Variants in PCDH9 observed in about 807,000 individuals in gnomAD.
PCDH9 encodes the protein protocadherin 9.
In PCDH9, 24 loss-of-function variants were observed where a neutral mutation model predicts 70.6. The ratio of observed to expected loss-of-function variants is 0.34; its 90% CI spans 0.25 to 0.48. PCDH9 has a LOEUF of 0.48. Among genes scored for constraint, PCDH9 ranks in the 20% least tolerant of loss-of-function variants. The pLI, the probability that PCDH9 is intolerant of heterozygous loss-of-function variation, is 0.99. For synonymous variants in PCDH9, 562 were observed against 558.5 expected, an observed-to-expected ratio of 1.01 and a Z score of -0.09; for missense variants, 1,281 against 1,503.6, an observed-to-expected ratio of 0.85 and a Z score of 2.45.
chr13:66,638,716 G>T (rs950330842), intron 3 of PCDH9, among the ~76,000 whole-genome samples: 3 of 152,136 alleles, frequency 2.0e-5, no homozygotes, highest in African/African-American at 7.2e-5. Flanking sequence ...GAATGAAGAT[G>T]AGTTAACTGG....
chr13:67,106,055 TC>T (rs2086535377), intron 2 of PCDH9, among the ~76,000 whole-genome samples: 2 of 152,106 alleles, frequency 1.3e-5, no homozygotes, highest in African/African-American at 4.8e-5. Flanking sequence ...GAATAGGTCA[TC>T]CAACTTTTCA....
intron 2 of PCDH9, among the ~76,000 whole-genome samples, chr13:67,055,983 T>C (rs2085412542): frequency 6.6e-6 from 1 of 152,228 alleles, no homozygotes; most frequent in East Asian, 1.9e-4. Context: ...TGAAACCCCA[T>C]CTCGATGAAA....
intron 4 of PCDH9, among the ~76,000 whole-genome samples, chr13:66,590,061 A>G (rs1421854030): frequency 6.6e-6 from 1 of 152,010 alleles, no homozygotes; most frequent in Non-Finnish European, 1.5e-5. Context: ...ATAAAAGCAG[A>G]GTGTTATGGA....
intron 2 of PCDH9, among the ~76,000 whole-genome samples, chr13:67,052,795 G>C (rs2085347414): frequency 6.6e-6 from 1 of 152,078 alleles, no homozygotes; most frequent in East Asian, 1.9e-4. Flanking sequence ...GCGGAAGGTG[G>C]GGGATCAAAG....
intron 4 of PCDH9, among the ~76,000 whole-genome samples, chr13:66,442,970 A>G (rs904174900): frequency 6.6e-6 from 1 of 152,208 alleles, no homozygotes; most frequent in Non-Finnish European, 1.5e-5. Flanking sequence ...TTTGGTTTAC[A>G]CAGCTGCAGA....
intron 3 of PCDH9, among the ~76,000 whole-genome samples, chr13:66,874,272 C>G (rs979682303): frequency 1.3e-5 from 2 of 152,104 alleles, no homozygotes; most frequent in African/African-American, 4.8e-5. Flanking sequence ...ATCTTAACAT[C>G]ATTTTTTCAG....
intron 4 of PCDH9, among the ~76,000 whole-genome samples, chr13:66,393,937 A>G (rs1342806883): frequency 6.6e-6 from 1 of 152,214 alleles, no homozygotes; most frequent in Non-Finnish European, 1.5e-5. Context: ...GAATCTGTAG[A>G]GTTTTTTAGG....
At chr13:66,795,881 A>G (rs1043205814) in intron 3 of PCDH9, among the ~76,000 whole-genome samples, 3 of 151,856 alleles carry the variant, frequency 2.0e-5, no homozygotes, top group African/African-American at 7.3e-5. Flanking sequence ...TTCCCCACTG[A>G]TTTGTTTGTG....
chr13:66,999,681 C>G (rs574269913), intron 2 of PCDH9, among the ~76,000 whole-genome samples: 1 of 151,912 alleles, frequency 6.6e-6, no homozygotes, highest in East Asian at 1.9e-4. Flanking sequence ...AGGACATGAA[C>G]AGACACTTCT....
At chr13:66,539,321 T>A (rs1960843925) in intron 4 of PCDH9, among the ~76,000 whole-genome samples, 1 of 152,102 alleles carries the variant, frequency 6.6e-6, no homozygotes, top group South Asian at 2.1e-4. Flanking sequence ...TCATTTTGAA[T>A]TGTATTTCCC....
At chr13:66,875,260 T>A (rs995694164) in intron 3 of PCDH9, among the ~76,000 whole-genome samples, 2 of 152,160 alleles carry the variant, frequency 1.3e-5, no homozygotes, top group Non-Finnish European at 1.5e-5. Context: ...GGGATTACAA[T>A]ACCACAACCC....
intron 2 of PCDH9, among the ~76,000 whole-genome samples, chr13:66,995,377 A>C (rs1042043232): frequency 6.6e-6 from 1 of 152,162 alleles, no homozygotes; most frequent in Non-Finnish European, 1.5e-5. Context: ...TGAGGCTAAC[A>C]AAACAAGGGC....
intron 4 of PCDH9, among the ~76,000 whole-genome samples, chr13:66,623,917 T>C (rs948702804): frequency 6.6e-6 from 1 of 152,212 alleles, no homozygotes; most frequent in Non-Finnish European, 1.5e-5. Flanking sequence ...ATTAAAACTA[T>C]ACTCAGTGAG....
chr13:67,062,005 A>C (rs532829225), intron 2 of PCDH9, among the ~76,000 whole-genome samples: 7 of 152,252 alleles, frequency 4.6e-5, no homozygotes, highest in Non-Finnish European at 7.4e-5. Context: ...ATTACTCCTG[A>C]ATTTTGAGGA....
intron 4 of PCDH9, among the ~76,000 whole-genome samples, chr13:66,349,911 A>G (rs767917599): frequency 1.3e-4 from 20 of 152,198 alleles, no homozygotes; most frequent in Non-Finnish European, 2.8e-4. Flanking sequence ...TATAGATATT[A>G]TAACATTTCT....
intron 2 of PCDH9, among the ~76,000 whole-genome samples, chr13:66,951,019 G>A (rs2083171433): frequency 6.6e-6 from 1 of 152,168 alleles, no homozygotes; most frequent in Non-Finnish European, 1.5e-5. Flanking sequence ...TTTACTGGAT[G>A]AAATATCTCC....
At chr13:66,562,625 G>A (rs948186147) in intron 4 of PCDH9, among the ~76,000 whole-genome samples, 39 of 152,170 alleles carry the variant, frequency 2.6e-4, no homozygotes, top group Admixed American at 2.5e-3. Context: ...AACAGTACAG[G>A]AAAACCCACC....
chr13:67,070,770 A>C (rs2085746261), intron 2 of PCDH9, among the ~76,000 whole-genome samples: 1 of 152,146 alleles, frequency 6.6e-6, no homozygotes, highest in East Asian at 1.9e-4. Flanking sequence ...TTATTGGTTC[A>C]ATTGAGTTCT....
At chr13:67,144,852 G>T (rs552493229) in intron 2 of PCDH9, among the ~76,000 whole-genome samples, 5 of 152,244 alleles carry the variant, frequency 3.3e-5, no homozygotes, top group South Asian at 4.1e-4. Flanking sequence ...ATTGGGAAAT[G>T]CTGTCTCTGC....
Sources: allele counts gnomAD v4.1 joint callset (sites outside exome capture counted in the v4.1 genomes callset), GRCh38; gene constraint gnomAD v4.1.1; transcripts MANE v1.5; gene names NCBI Gene and HGNC (gene_info 2026-07-23, HGNC 2026-07-21).